Variants in ULK4 observed in about 807,000 individuals in gnomAD.
ULK4 encodes the protein unc-51 like kinase 4, also known as inactive serine/threonine-protein kinase ULK4.
A neutral mutation model predicts 160.6 loss-of-function variants in ULK4; 133 were observed. That is an observed-to-expected ratio of 0.83 (90% CI 0.72 to 0.96). The LOEUF (loss-of-function observed/expected upper bound fraction) is 0.96. Among genes scored for constraint, ULK4 ranks in the 40% least tolerant of loss-of-function variants. ULK4 has a pLI of 0.00. For missense variants in ULK4, 1,580 were observed against 1,499.5 expected (o/e 1.05, Z -0.89); for synonymous variants, 534 against 539.8 (o/e 0.99, Z 0.15).
chr3:41,363,318 T>G (rs1447498479), intron 35 of ULK4, among the ~76,000 whole-genome samples: 2 of 152,238 alleles, frequency 1.3e-5, no homozygotes, highest in Admixed American at 1.3e-4. Context: ...ATCACCTATC[T>G]TCATGCATAA....
chr3:41,899,581 T>A (rs903033151), intron 13 of ULK4, among the ~76,000 whole-genome samples: 3 of 152,220 alleles, frequency 2.0e-5, no homozygotes, highest in Non-Finnish European at 4.4e-5. Context: ...TTTGTAAACC[T>A]TCTTAAAACA....
intron 19 of ULK4, 52 bp downstream of exon 19, chr3:41,819,371 G>T (rs1195684319): frequency 1.3e-6 from 2 of 1,553,316 alleles, no homozygotes; most frequent in Non-Finnish European, 1.8e-6. Context: ...TACAGTGCCT[G>T]AAGGGTTATT....
At chr3:41,271,433 C>T (rs1329886928) in intron 35 of ULK4, among the ~76,000 whole-genome samples, 4 of 150,598 alleles carry the variant, frequency 2.7e-5, no homozygotes, top group Non-Finnish European at 4.4e-5. Context: ...ACTCTGTTGC[C>T]CAGGCTGGAG....
At chr3:41,943,186 C>T (rs1700012227) in intron 2 of ULK4, among the ~76,000 whole-genome samples, 1 of 146,808 alleles carries the variant, frequency 6.8e-6, no homozygotes, top group Non-Finnish European at 1.5e-5. Flanking sequence ...GCACTCCAGC[C>T]TGGGCGACAG....
intron 18 of ULK4, among the ~76,000 whole-genome samples, chr3:41,831,868 A>G (rs2041601802): frequency 6.6e-6 from 1 of 152,144 alleles, no homozygotes; most frequent in South Asian, 2.1e-4. Context: ...GGCCCTGCAA[A>G]TGATATGATC....
intron 34 of ULK4, among the ~76,000 whole-genome samples, chr3:41,421,390 T>C (rs1278757782): frequency 1.3e-5 from 2 of 152,206 alleles, no homozygotes; most frequent in Non-Finnish European, 2.9e-5. Flanking sequence ...TGAAAATGCA[T>C]TTAGAGTTTC....
intron 27 of ULK4, among the ~76,000 whole-genome samples, chr3:41,702,859 TG>T (rs1343721255): frequency 1.3e-5 from 2 of 149,488 alleles, no homozygotes; most frequent in African/African-American, 2.5e-5. Context: ...TTTTTGGTTT[TG>T]TTTTTTTTTT....
At chr3:41,538,749 TCA>T (rs1205847025) in intron 32 of ULK4, among the ~76,000 whole-genome samples, 1 of 152,126 alleles carries the variant, frequency 6.6e-6, no homozygotes, top group Middle Eastern at 3.2e-3. Flanking sequence ...TAGTAAAGTA[TCA>T]CAGTTAATTT....
intron 32 of ULK4, among the ~76,000 whole-genome samples, chr3:41,506,767 A>AAAAAAAAAATATAT: frequency 7.0e-5 from 4 of 56,796 alleles, no homozygotes; most frequent in African/African-American, 3.3e-4. Context: ...TGTGATTTAA[A>AAAAAAAAAATATAT]ATATATATAT....
chr3:41,468,263 G>T (rs567518845), intron 32 of ULK4, among the ~76,000 whole-genome samples: 1 of 152,250 alleles, frequency 6.6e-6, no homozygotes, highest in South Asian at 2.1e-4. Flanking sequence ...AGCAAAAGAT[G>T]ATCAGAGAGA....
In ULK4 at chr3:41,660,349, T is replaced by A. The variant is rs149565295; in HGVS notation, c.3071+3258A>T. On this transcript the variant is annotated intron_variant, in intron 30 of 36. Transcript: ENST00000301831. ...AATATTTATTCACATTAGCTTGCAT[T>A]TGGATACATAATGAATAAAAATACT... Among the ~76,000 whole-genome samples the A allele has an allele frequency of 1.1e-3, 161 of 151,982 alleles. 1 individual carries two copies. The highest frequency in any genetic ancestry group is 3.7e-3 in the African/African-American group (154 of 41,472).
At chr3:41,439,090 T>TC (rs1312932046) in intron 34 of ULK4, among the ~76,000 whole-genome samples, 1 of 152,010 alleles carries the variant, frequency 6.6e-6, no homozygotes, top group East Asian at 1.9e-4. Flanking sequence ...GGGTTGGGGT[T>TC]CCCCGTGAAC....
chr3:41,918,565 A>G, intron 6 of ULK4, 25 bp from the exon 7 acceptor site: 1 of 1,300,972 alleles, frequency 7.7e-7, no homozygotes, highest in Non-Finnish European at 1.1e-6. Flanking sequence ...AAACTTGCAA[A>G]ATGAAAGAAG....
intron 35 of ULK4, among the ~76,000 whole-genome samples, chr3:41,340,239 CT>C (rs1021830439): frequency 2.0e-5 from 3 of 152,130 alleles, no homozygotes; most frequent in Non-Finnish European, 4.4e-5. Context: ...TATTTTTGTC[CT>C]TTTTTTCCCC....
At chr3:41,762,698 TG>T (rs1298001904) in intron 21 of ULK4, among the ~76,000 whole-genome samples, 2 of 145,836 alleles carry the variant, frequency 1.4e-5, no homozygotes, top group African/African-American at 5.1e-5. Flanking sequence ...AGTCTCGCTC[TG>T]TCGCCCAGGC....
At chr3:41,428,819 T>C (rs2082838019) in intron 34 of ULK4, among the ~76,000 whole-genome samples, 1 of 152,084 alleles carries the variant, frequency 6.6e-6, no homozygotes, top group Admixed American at 6.6e-5. Flanking sequence ...ATACAAAACC[T>C]AGGCAATACC....
chr3:41,811,669 C>T (rs7632387), intron 19 of ULK4, among the ~76,000 whole-genome samples: 37,010 of 151,998 alleles, frequency 0.24, 5,414 homozygotes, highest in African/African-American at 0.42. Flanking sequence ...AAATGTTGCA[C>T]GAATGAAGGG....
At chr3:41,702,860 G>C (rs28379338) in intron 27 of ULK4, among the ~76,000 whole-genome samples, 3 of 140,148 alleles carry the variant, frequency 2.1e-5, no homozygotes, top group African/African-American at 7.8e-5. Flanking sequence ...TTTTGGTTTT[G>C]TTTTTTTTTT....
At chr3:41,665,209 T>C (rs1461298774) in intron 29 of ULK4, among the ~76,000 whole-genome samples, 1 of 152,120 alleles carries the variant, frequency 6.6e-6, no homozygotes, top group Non-Finnish European at 1.5e-5. Flanking sequence ...ATTTTGGAAA[T>C]CATTGTATAA....
Sources: gnomAD v4.1 joint callset for allele counts (sites outside exome capture counted in the v4.1 genomes callset) on GRCh38, gnomAD v4.1.1 for gene constraint, MANE v1.5 for transcripts, NCBI Gene and HGNC (gene_info 2026-07-23, HGNC 2026-07-21) for gene names.